Variants in SYS1 observed in about 807,000 individuals in gnomAD.
SYS1 encodes SYS1 golgi trafficking protein, also known as protein SYS1 homolog.
SYS1 carries 8 observed loss-of-function variants against 17.8 expected under a neutral mutation model. The ratio of observed to expected loss-of-function variants is 0.45; its 90% CI spans 0.26 to 0.81. SYS1 has a LOEUF of 0.81. Ranked by LOEUF, SYS1 falls within the 40% of genes least tolerant of loss-of-function variation. The pLI, the probability that SYS1 is intolerant of heterozygous loss-of-function variation, is 0.16. For synonymous variants in SYS1, 95 were observed against 90.9 expected, an observed-to-expected ratio of 1.05 and a Z score of -0.26; for missense variants, 161 against 203.9, an observed-to-expected ratio of 0.79 and a Z score of 1.28.
chr20:45,369,882 G>A (rs1988524128), downstream of SYS1, among the ~76,000 whole-genome samples: 2 of 151,054 alleles, frequency 1.3e-5, no homozygotes, highest in South Asian at 4.2e-4. Context: ...GCCTCCCAAA[G>A]TGCTGGGATT....
chr20:45,365,329 T>C, intron 2 of SYS1: 1 of 485,948 alleles, frequency 2.1e-6, no homozygotes, highest in African/African-American at 1.9e-5. Context: ...AACGCTGTTC[T>C]AGACTTTACT....
downstream of SYS1, chr20:45,373,197 A>G (rs1275317273): frequency 6.6e-6 from 1 of 152,662 alleles, no homozygotes; most frequent in African/African-American, 2.4e-5. Flanking sequence ...GACCCCGGCC[A>G]GATGGGGTCG....
At chr20:45,364,714 G>T (rs1015490525) in intron 2 of SYS1, among the ~76,000 whole-genome samples, 2 of 151,976 alleles carry the variant, frequency 1.3e-5, no homozygotes, top group African/African-American at 4.8e-5. Flanking sequence ...CTCGTGATCC[G>T]CCTGCCTCGG....
In SYS1 at chr20:45,368,260, G is replaced by C; in HGVS notation, c.*1145G>C. 5 of 985,410 alleles carry C rather than the reference G, an allele frequency of 5.1e-6. No individual in the cohort carries two copies. The highest frequency in any genetic ancestry group is 6.0e-6 in the Non-Finnish European group (5 of 829,938). 61.0% of individuals were successfully genotyped at this position (985,410 alleles called of 1,614,324 possible). ...TTCCTCCATTTGGTTAAAATACTCAGTGCAGGGAACTCTTACATCCTGTCT... is the reference window on the plus strand; with the variant it reads ...TTCCTCCATTTGGTTAAAATACTCACTGCAGGGAACTCTTACATCCTGTCT... On this transcript the variant is annotated 3_prime_UTR_variant, in exon 4 of 4. Coordinates refer to ENST00000243918, the MANE Select transcript of SYS1 (RefSeq NM_033542.4).
downstream of SYS1, among the ~76,000 whole-genome samples, chr20:45,369,924 CTT>C (rs1441275985): frequency 2.8e-5 from 4 of 141,126 alleles, no homozygotes; most frequent in Non-Finnish European, 3.1e-5. Context: ...CCCAACTGGC[CTT>C]TTTTTTTTTT....
At chr20:45,373,918 C>T (rs1988635050), downstream of SYS1, 1 of 1,613,984 alleles carries the variant, frequency 6.2e-7, no homozygotes, top group Non-Finnish European at 8.5e-7. Flanking sequence ...TATTTGTAGA[C>T]TCGTGAATTT....
In SYS1 at chr20:45,363,564, C is replaced by T; in HGVS notation, c.33C>T (p.Asp11=). Residue 11 remains aspartate (D), a synonymous_variant, in exon 2 of 4, where the codon GAC becomes GAT. Transcript: ENST00000243918. ...GTCAGTTCCGCAGCTACGTGTGGGA[C>T]CCGCTGCTGATCCTGTCGCAGATCG... is the stretch of plus-strand genomic sequence containing the variant. MAGQFRSYVW[D]PLLILSQIVL... is the part of the protein sequence containing the mutation. The T allele has an allele frequency of 6.3e-7, 1 of 1,587,800 alleles. No homozygotes were observed. Among genetic ancestry groups the T allele is most frequent in the Non-Finnish European group, 8.6e-7 (1 of 1,167,958 alleles).
At chr20:45,364,999 T>C (rs955800448) in intron 2 of SYS1, among the ~76,000 whole-genome samples, 1 of 152,206 alleles carries the variant, frequency 6.6e-6, no homozygotes, top group African/African-American at 2.4e-5. Flanking sequence ...AGTATTGTGT[T>C]GGATAGTGGA....
exon 4 of SYS1, chr20:45,374,757 C>T (rs1988669823): frequency 4.1e-6 from 2 of 484,174 alleles, no homozygotes; most frequent in Admixed American, 3.7e-5. Context: ...GCAGTTTCCA[C>T]CTCTGCTAAG....
downstream of SYS1, chr20:45,374,028 C>G: frequency 6.2e-7 from 1 of 1,612,884 alleles, no homozygotes; most frequent in South Asian, 1.1e-5. Flanking sequence ...GCAGAAACCT[C>G]GGTGTTAGGC....
In SYS1 at chr20:45,375,377, A is replaced by G. The variant is rs750299560; in HGVS notation, c.*1083A>G. 5.0e-6 allele frequency: 8 copies of G among 1,613,898 alleles called. No individual in the cohort carries two copies. The highest frequency in any genetic ancestry group is 6.8e-6 in the Non-Finnish European group (8 of 1,179,984). ...TCTTTCCGTGGCATTGCCGCCAATG[A>G]CGTTTTCTCCTTGTTCCTCATCCCT... On this transcript the variant is annotated 3_prime_UTR_variant, in exon 4 of 4. Transcript: ENST00000426004.
exon 4 of SYS1, chr20:45,374,621 A>T (rs1261554348): frequency 9.0e-6 from 4 of 445,308 alleles, no homozygotes; most frequent in Non-Finnish European, 1.6e-5. Context: ...ACATAAATAG[A>T]GAGTTGAATT....
At chr20:45,371,092 C>T (rs77017174), downstream of SYS1, among the ~76,000 whole-genome samples, 3,557 of 152,212 alleles carry the variant, frequency 0.023, 137 homozygotes, top group African/African-American at 0.079. Flanking sequence ...GCTATGTTAC[C>T]TCCCTTACCT....
intron 2 of SYS1, among the ~76,000 whole-genome samples, chr20:45,364,661 C>T (rs1168494711): frequency 1.3e-5 from 2 of 151,486 alleles, no homozygotes; most frequent in East Asian, 3.9e-4. Context: ...TTAGTAGAGA[C>T]GGGGTTTCAC....
chr20:45,373,301 C>A (rs1347498052), downstream of SYS1: 1 of 156,852 alleles, frequency 6.4e-6, no homozygotes, highest in Admixed American at 6.0e-5. Context: ...CCCTCCTGAT[C>A]CGGTGCCTTC....
chr20:45,365,692 T>A lies in SYS1; in HGVS notation c.230+6T>A. 1 of 1,613,372 alleles carries A rather than the reference T, an allele frequency of 6.2e-7. No homozygotes were observed. Among genetic ancestry groups the A allele is most frequent in the Non-Finnish European group, 8.5e-7 (1 of 1,179,332 alleles). ...ATCCTCAACGCCCTCACCTGGTGAG[T>A]ATCACCAGTTTTGCTATCCAGCTTT... On this transcript the variant is annotated splice_donor_region_variant and intron_variant, in intron 3 of 3. Coordinates refer to ENST00000243918, the MANE Select transcript of SYS1 (RefSeq NM_033542.4).
exon 4 of SYS1, chr20:45,374,723 C>G: frequency 2.2e-6 from 1 of 454,742 alleles, no homozygotes; most frequent in Non-Finnish European, 3.9e-6. Context: ...ATGTAGGCCT[C>G]TGACTGTGAG....
chr20:45,374,746 A>C (rs1041674419), exon 4 of SYS1: 10 of 471,314 alleles, frequency 2.1e-5, no homozygotes, highest in Non-Finnish European at 3.4e-5. Flanking sequence ...TCAGAGCCAC[A>C]GCAGTTTCCA....
Position 45,367,306 on chromosome 20 carries a change from A to T in SYS1, c.*191A>T. ...AGTCAGCATGACAGCTGCAAGAATGACCTCTGTCTGTTGAAGCCTTGGTAT... is the reference window on the plus strand; with the variant it reads ...AGTCAGCATGACAGCTGCAAGAATGTCCTCTGTCTGTTGAAGCCTTGGTAT... On this transcript the variant is annotated 3_prime_UTR_variant, in exon 4 of 4. Transcript: ENST00000243918. 3 of 1,416,640 alleles carry T rather than the reference A, an allele frequency of 2.1e-6. No individual in the cohort carries two copies. The highest frequency in any genetic ancestry group is 2.8e-6 in the Non-Finnish European group (3 of 1,087,866). 87.8% of individuals were successfully genotyped at this position (1,416,640 alleles called of 1,614,324 possible). A position where few individuals can be genotyped will look rare whatever the true frequency, so the allele number is the denominator to read the frequency against.
Sources: allele counts gnomAD v4.1 joint callset (sites outside exome capture counted in the v4.1 genomes callset), GRCh38; gene constraint gnomAD v4.1.1; transcripts MANE v1.5; gene names NCBI Gene and HGNC (gene_info 2026-07-23, HGNC 2026-07-21).